The following ATP6V0A1 variants were observed in gnomAD, a reference collection of about 807,000 sequenced individuals.
ATP6V0A1 encodes the protein V-type proton ATPase 116 kDa subunit a 1.
ATP6V0A1 carries 43 observed loss-of-function variants against 105.4 expected under a neutral mutation model. The observed-to-expected ratio is 0.41, with a 90% confidence interval of 0.32 to 0.53. ATP6V0A1 has a LOEUF of 0.53. ATP6V0A1 is among the 20% of genes least tolerant of loss of function. The probability of loss-of-function intolerance (pLI) is 0.30; values close to 1 mark genes in which losing one functional copy is unlikely to be tolerated. For missense variants in ATP6V0A1, 676 were observed against 1,051.1 expected (o/e 0.64, Z 4.93); for synonymous variants, 362 against 372.8 (o/e 0.97, Z 0.33).
intron 19 of ATP6V0A1, among the ~76,000 whole-genome samples, chr17:42,512,734 G>A (rs1199259445): frequency 6.6e-6 from 1 of 152,224 alleles, no homozygotes; most frequent in Non-Finnish European, 1.5e-5. Context: ...CATGTTCTCA[G>A]TGATTTCCCA....
chr17:42,462,655 G>A (rs2086564034), intron 2 of ATP6V0A1, among the ~76,000 whole-genome samples: 1 of 152,020 alleles, frequency 6.6e-6, no homozygotes, highest in African/African-American at 2.4e-5. Flanking sequence ...TCTGACCTCT[G>A]GTGATCCACC....
intron 2 of ATP6V0A1, among the ~76,000 whole-genome samples, chr17:42,463,627 TATC>T (rs1481030172): frequency 6.6e-6 from 1 of 152,190 alleles, no homozygotes; most frequent in African/African-American, 2.4e-5. Flanking sequence ...AAGTAAACAT[TATC>T]ATAAAAGTCT....
intron 5 of ATP6V0A1, among the ~76,000 whole-genome samples, chr17:42,474,083 A>C (rs1382227304): frequency 6.6e-6 from 1 of 151,752 alleles, no homozygotes; most frequent in African/African-American, 2.4e-5. Context: ...GCTCACTGCA[A>C]CTGCCGCCTC....
At chr17:42,479,925 T>C (rs2089281209) in intron 7 of ATP6V0A1, among the ~76,000 whole-genome samples, 1 of 152,220 alleles carries the variant, frequency 6.6e-6, no homozygotes, top group Non-Finnish European at 1.5e-5. Context: ...GCACAAAGAA[T>C]GGGTTCTAGT....
At position 42,495,917 on chromosome 17, in the gene ATP6V0A1, A is replaced by G; in HGVS notation, c.1560+201A>G. 8.2e-6 allele frequency: 4 copies of G among 490,094 alleles called. No individual in the cohort carries two copies. In the South Asian group the frequency reaches 9.0e-5, roughly 11 times the overall value. 30.4% of individuals were successfully genotyped at this position (490,094 alleles called of 1,614,324 possible). ...GTGAAACCCTATCTCTACTAAAAATAAAATATTAGCCGGGCGTGGTGGCGC... is the reference window on the plus strand; with the variant it reads ...GTGAAACCCTATCTCTACTAAAAATGAAATATTAGCCGGGCGTGGTGGCGC... On this transcript the variant is annotated intron_variant, in intron 14 of 21. Coordinates refer to ENST00000343619, the MANE Select transcript of ATP6V0A1 (RefSeq NM_001130021.3).
intron 5 of ATP6V0A1, among the ~76,000 whole-genome samples, chr17:42,475,139 T>C (rs1458922461): frequency 6.6e-6 from 1 of 152,260 alleles, no homozygotes; most frequent in East Asian, 1.9e-4. Context: ...CTTTATTTTT[T>C]TCCCATCTGC....
In ATP6V0A1 at chr17:42,495,196, G is replaced by T. The variant is rs1243895408; in HGVS notation, c.1469+8G>T. 2 of 1,612,672 alleles carry T rather than the reference G, an allele frequency of 1.2e-6. No homozygotes were observed. The highest frequency in any genetic ancestry group is 3.3e-5 in the Admixed American group (2 of 59,904). ...GTTTACTTATAATTGGACGTAAGTT[G>T]CAGAAGAAGCTAAAATTCAAAGCTT... is the stretch of plus-strand genomic sequence containing the variant. On this transcript the variant is annotated splice_region_variant and intron_variant, in intron 13 of 21. Coordinates refer to ENST00000343619, the MANE Select transcript of ATP6V0A1 (RefSeq NM_001130021.3).
intron 4 of ATP6V0A1, 124 bp from the exon 5 acceptor site, chr17:42,469,966 C>A: frequency 9.9e-7 from 1 of 1,006,680 alleles, no homozygotes; most frequent in Non-Finnish European, 1.4e-6. Context: ...ACAGTATTTG[C>A]TAGGCAAGTC....
intron 5 of ATP6V0A1, among the ~76,000 whole-genome samples, chr17:42,474,250 C>G (rs1298234237): frequency 6.6e-6 from 1 of 152,098 alleles, no homozygotes; most frequent in Admixed American, 6.6e-5. Context: ...ATCTAGCTGC[C>G]TCAGCCTCCC....
chr17:42,513,965 C>G lies in ATP6V0A1; in HGVS notation c.2235C>G (p.Ser745Arg). 1 of 1,614,070 alleles carries G rather than the reference C, an allele frequency of 6.2e-7. No individual in the cohort carries two copies. The highest frequency in any genetic ancestry group is 1.3e-5 in the African/African-American group (1 of 75,060). The change falls in exon 20 of 22, where the codon AGC (serine) becomes AGG (arginine). Residue 745 changes from serine to arginine, a missense_variant. By Grantham distance (110) the Ser-to-Arg change is moderately radical. This residue lies in a region of ATP6V0A1 where 435 missense variants were observed against 642.2 expected (regional missense o/e 0.68). Coordinates refer to ENST00000343619, the MANE Select transcript of ATP6V0A1 (RefSeq NM_001130021.3). Reference protein sequence around the residue: ...TASYLRLWALSLAHAQLSEVL... With the variant: ...TASYLRLWALRLAHAQLSEVL... ...CCTACTTGCGGCTCTGGGCCCTCAG[C>G]CTCGCTCATGCGCGTGAGTACCTCT...
intron 14 of ATP6V0A1, chr17:42,496,460 G>C (rs1170656947): frequency 6.6e-6 from 1 of 151,760 alleles, no homozygotes; most frequent in Non-Finnish European, 1.5e-5. Flanking sequence ...GGCAAATTAA[G>C]TATGATCAAG....
chr17:42,469,101 G>A (rs1207586415), intron 4 of ATP6V0A1, among the ~76,000 whole-genome samples: 2 of 152,106 alleles, frequency 1.3e-5, no homozygotes, highest in African/African-American at 4.8e-5. Context: ...GCCTGCCTCA[G>A]CCTCCCAAAG....
At chr17:42,491,860 A>G (rs549957202) in intron 11 of ATP6V0A1, among the ~76,000 whole-genome samples, 3 of 149,396 alleles carry the variant, frequency 2.0e-5, no homozygotes, top group African/African-American at 4.9e-5. Context: ...CTCATGATCC[A>G]CCCGCCTTGG....
At chr17:42,492,324 A>G (rs141692545) in intron 11 of ATP6V0A1, among the ~76,000 whole-genome samples, 153 of 152,054 alleles carry the variant, frequency 1.0e-3, no homozygotes, top group African/African-American at 3.5e-3. Flanking sequence ...AACCGACATC[A>G]TGCCACTGCA....
intron 3 of ATP6V0A1, 136 bp from the exon 4 acceptor site, chr17:42,467,874 T>TA (rs2087309824): frequency 8.9e-6 from 2 of 225,316 alleles, no homozygotes; most frequent in African/African-American, 2.3e-5. Flanking sequence ...ATTATATCTT[T>TA]TATATATATA....
intron 2 of ATP6V0A1, among the ~76,000 whole-genome samples, chr17:42,461,931 G>T (rs1227992815): frequency 6.6e-6 from 1 of 151,760 alleles, no homozygotes; most frequent in Non-Finnish European, 1.5e-5. Flanking sequence ...TAGGGGCCAG[G>T]TGCAATGGCT....
intron 17 of ATP6V0A1, 126 bp from the exon 18 acceptor site, chr17:42,507,394 G>A: frequency 2.9e-6 from 2 of 687,616 alleles, no homozygotes; most frequent in Non-Finnish European, 5.0e-6. Flanking sequence ...TCAGTCAGTG[G>A]GTTTTGTTTT....
chr17:42,500,981 T>C, intron 16 of ATP6V0A1, 58 bp downstream of exon 16: 1 of 1,545,324 alleles, frequency 6.5e-7, no homozygotes, highest in Non-Finnish European at 8.9e-7. Flanking sequence ...GGAAGCCAGA[T>C]GTTTCTCTGA....
intron 8 of ATP6V0A1, chr17:42,481,226 CTTT>C (rs775355134): frequency 1.4e-5 from 2 of 138,970 alleles, no homozygotes. Context: ...TTCTTTTTCT[CTTT>C]TTTTTTTTTT....
Sources: allele counts gnomAD v4.1 joint callset (sites outside exome capture counted in the v4.1 genomes callset), GRCh38; gene constraint gnomAD v4.1.1; regional missense constraint gnomAD v4.1.1; transcripts MANE v1.5; gene names NCBI Gene and HGNC (gene_info 2026-07-23, HGNC 2026-07-21).